Variants in KPTN observed in about 807,000 individuals in gnomAD.
KPTN encodes the protein KICSTOR complex protein kaptin.
Under a neutral mutation model 52.6 loss-of-function variants are expected in KPTN, and 36 were observed. That is an observed-to-expected ratio of 0.68 (90% CI 0.52 to 0.90). The LOEUF (loss-of-function observed/expected upper bound fraction) is 0.90. Among genes scored for constraint, KPTN ranks in the 40% least tolerant of loss-of-function variants. KPTN has a pLI of 0.00. For missense variants in KPTN, 529 were observed against 576.2 expected, an observed-to-expected ratio of 0.92 and a Z score of 0.84; for synonymous variants, 271 against 248.4, an observed-to-expected ratio of 1.09 and a Z score of -0.85.
intron 4 of KPTN, among the ~76,000 whole-genome samples, chr19:47,482,488 A>G (rs1300343858): frequency 1.3e-5 from 2 of 151,034 alleles, no homozygotes; most frequent in African/African-American, 2.4e-5. Context: ...CTCAAAAAAA[A>G]AAAAAAAGAA....
upstream of KPTN, among the ~76,000 whole-genome samples, chr19:47,485,013 C>T (rs184445053): frequency 6.6e-6 from 1 of 152,182 alleles, no homozygotes; most frequent in East Asian, 1.9e-4. Flanking sequence ...AGTTCATAAT[C>T]TTAACAGTAT....
Position 47,479,884 on chromosome 19 carries a change from A to C in KPTN, c.766T>G (p.Phe256Val). 1 of 1,613,584 alleles carries C rather than the reference A, an allele frequency of 6.2e-7. No homozygotes were observed. Among genetic ancestry groups the C allele is most frequent in the Non-Finnish European group, 8.5e-7 (1 of 1,179,758 alleles). The change falls in exon 8 of 12, where the codon TTC becomes GTC. Residue 256 changes from phenylalanine to valine, a missense_variant. Coordinates refer to ENST00000338134, the MANE Select transcript of KPTN (RefSeq NM_007059.4). ...QDGPISRVIV[F>V]SLSAAKETKD... is the part of the protein sequence containing the mutation. ...TCACCCTTGGCGGCCGAGAGGCTGA[A>C]CACAATCACTCGGGAGATGGGACCG...
rs755536143 is a variant in KPTN, at chr19:47,476,631, G to A, written c.1083C>T (p.Ser361=). The change falls in exon 11 of 12, where the codon AGC becomes AGT. Residue 361 remains serine, a synonymous_variant. Transcript: ENST00000338134. The stretch of plus-strand genomic sequence containing the variant: ...CCATGGCCAGCAGGGGACTGGAGAA[G>A]CTCCGCTGCCACAGCAGATGGAACC... ...QHGFHLLWQR[S]FSSPLLAMAH... The A allele has an allele frequency of 7.4e-6, 12 of 1,612,818 alleles. No homozygotes were observed. The highest frequency in any genetic ancestry group is 1.3e-5 in the African/African-American group (1 of 74,786).
chr19:47,485,782 T>C (rs1296689132), upstream of KPTN, among the ~76,000 whole-genome samples: 1 of 152,110 alleles, frequency 6.6e-6, no homozygotes, highest in Non-Finnish European at 1.5e-5. Flanking sequence ...AGAGTAGAAG[T>C]TCCTGGAGGG....
At chr19:47,485,806 C>T (rs1968056743), upstream of KPTN, among the ~76,000 whole-genome samples, 1 of 152,152 alleles carries the variant, frequency 6.6e-6, no homozygotes, top group Non-Finnish European at 1.5e-5. Context: ...TCTGGGAATG[C>T]CGTCAGTGCT....
chr19:47,477,050 C>T, intron 9 of KPTN, 112 bp from the exon 10 acceptor site: 1 of 1,124,870 alleles, frequency 8.9e-7, no homozygotes, highest in South Asian at 1.5e-5. Context: ...CCTAGACACA[C>T]TGGTCCTCCG....
chr19:47,483,488 G>A lies in KPTN; in HGVS notation c.309+14C>T, dbSNP rs748612550. 8.1e-6 allele frequency: 13 copies of A among 1,600,192 alleles called. No homozygotes were observed. The highest frequency in any genetic ancestry group is 9.4e-6 in the Non-Finnish European group (11 of 1,172,062). On this transcript the variant is annotated intron_variant, in intron 2 of 11. Coordinates refer to ENST00000338134, the MANE Select transcript of KPTN (RefSeq NM_007059.4). Reference sequence around the variant, plus strand: ...AGGAGGAGGGCGAAGGGAGGTGGAGGGGGCTCTAGGTACCTTGATGAACGT... The same window carrying A: ...AGGAGGAGGGCGAAGGGAGGTGGAGAGGGCTCTAGGTACCTTGATGAACGT...
In KPTN at chr19:47,475,266, A is replaced by G. The variant is rs1967622603; in HGVS notation, c.*150T>C. 1.4e-6 allele frequency: 1 copy of G among 701,346 alleles called. No individual in the cohort carries two copies. Among genetic ancestry groups the G allele is most frequent in the Non-Finnish European group, 2.3e-6 (1 of 431,828 alleles). 43.4% of individuals were successfully genotyped at this position (701,346 alleles called of 1,614,324 possible). A position where few individuals can be genotyped will look rare whatever the true frequency, so the allele number is the denominator to read the frequency against. On this transcript the variant is annotated 3_prime_UTR_variant, in exon 12 of 12. Transcript: ENST00000338134. ...AGGGACATTGACGTACAGAGAGAGG[A>G]GTGGGTTAGCTGGGGCCCCAGGGCA... is the stretch of plus-strand genomic sequence containing the variant.
At chr19:47,476,255 G>A (rs1599867626) in intron 11 of KPTN, 2 of 233,130 alleles carry the variant, frequency 8.6e-6, no homozygotes, top group East Asian at 1.5e-4. Flanking sequence ...GTTGCAGTGA[G>A]CTGAGATCGA....
intron 8 of KPTN, among the ~76,000 whole-genome samples, chr19:47,479,565 C>G (rs1967792402): frequency 6.6e-6 from 1 of 152,114 alleles, no homozygotes; most frequent in African/African-American, 2.4e-5. Context: ...GGTGGATGCT[C>G]AGCCCCAGGG....
In KPTN at chr19:47,480,416, C is replaced by A. The variant is rs1967836124; in HGVS notation, c.600-9G>T. 1 of 1,537,138 alleles carries A rather than the reference C, an allele frequency of 6.5e-7. No individual in the cohort carries two copies. Among genetic ancestry groups the A allele is most frequent in the Non-Finnish European group, 8.8e-7 (1 of 1,138,512 alleles). On this transcript the variant is annotated splice_polypyrimidine_tract_variant and intron_variant, in intron 6 of 11. Coordinates refer to ENST00000338134, the MANE Select transcript of KPTN (RefSeq NM_007059.4). ...CGTCCAGCCAGAGGACGCTGGCGGG[C>A]GGGTGGATGGACAGGACGGACGGCC...
At chr19:47,479,279 G>A (rs1389764458) in intron 8 of KPTN, among the ~76,000 whole-genome samples, 1 of 152,228 alleles carries the variant, frequency 6.6e-6, no homozygotes, top group East Asian at 1.9e-4. Flanking sequence ...CCGACCTCAG[G>A]TGATCCGTCC....
intron 6 of KPTN, 53 bp from the exon 7 acceptor site, chr19:47,480,460 G>A (rs1568456411): frequency 1.5e-6 from 2 of 1,311,848 alleles, no homozygotes; most frequent in Non-Finnish European, 2.1e-6. Flanking sequence ...GCCCAGCCCC[G>A]CCCCTCTGCC....
rs1030277658 is a variant in KPTN, at chr19:47,484,204, G to T, written c.-44C>A. ...CTCTCCGCAGCCCCCGCCCCAACCC[G>T]CACTACCCAACCTACGACTCTCTAA... On this transcript the variant is annotated 5_prime_UTR_variant, in exon 1 of 12. Transcript: ENST00000338134. The T allele has an allele frequency of 6.4e-7, 1 of 1,560,156 alleles. No homozygotes were observed. The highest frequency in any genetic ancestry group is 8.6e-7 in the Non-Finnish European group (1 of 1,158,318).
chr19:47,483,035 G>C, intron 4 of KPTN, 126 bp downstream of exon 4: 2 of 1,037,426 alleles, frequency 1.9e-6, no homozygotes, highest in Non-Finnish European at 3.0e-6. Context: ...CCCTAATCTA[G>C]TACAACCTCT....
upstream of KPTN, chr19:47,484,525 G>C (rs978031569): frequency 3.1e-5 from 9 of 287,602 alleles, no homozygotes; most frequent in Admixed American, 9.6e-5. Context: ...AGGAACTACT[G>C]TAAGTGCATT....
At chr19:47,477,007 A>C in intron 9 of KPTN, 69 bp from the exon 10 acceptor site, 1 of 1,490,190 alleles carries the variant, frequency 6.7e-7, no homozygotes, top group Non-Finnish European at 9.1e-7. Flanking sequence ...GGCGGATGCT[A>C]AGCTGGGTAC....
In KPTN at chr19:47,483,286, C is replaced by T; in HGVS notation, c.394+9G>A. On this transcript the variant is annotated intron_variant, in intron 3 of 11. Coordinates refer to ENST00000338134, the MANE Select transcript of KPTN (RefSeq NM_007059.4). ...ACTCTCTCCCTCCTCCCGTCCACGC[C>T]TCACTCACGGGCAATAGAGTCAAGG... 6.2e-7 allele frequency: 1 copy of T among 1,613,866 alleles called. No homozygotes were observed. Among genetic ancestry groups the T allele is most frequent in the Non-Finnish European group, 8.5e-7 (1 of 1,179,822 alleles).
Position 47,483,258 on chromosome 19 carries a change from G to A in KPTN, c.394+37C>T, listed in dbSNP as rs192338997. 4.3e-4 allele frequency: 694 copies of A among 1,612,664 alleles called. 3 individuals are homozygous for A. Among genetic ancestry groups the A allele is most frequent in the Admixed American group, 1.1e-3 (65 of 60,008 alleles). On this transcript the variant is annotated intron_variant, in intron 3 of 11. Transcript: ENST00000338134. ...GCAGGTTAGCATGGGGGACCTGCTG[G>A]GGACTCTCTCCCTCCTCCCGTCCAC...
Sources: allele counts gnomAD v4.1 joint callset (sites outside exome capture counted in the v4.1 genomes callset), GRCh38; gene constraint gnomAD v4.1.1; transcripts MANE v1.5; gene names NCBI Gene and HGNC (gene_info 2026-07-23, HGNC 2026-07-21).